EYS: variants seen among roughly 807,000 people sequenced by gnomAD.
EYS encodes EGF-like photoreceptor maintenance factor.
In EYS, 250 loss-of-function variants were observed where a neutral mutation model predicts 282.1. The observed-to-expected ratio is 0.89, with a 90% confidence interval of 0.80 to 0.98. EYS has a LOEUF of 0.98. Ranked by LOEUF, EYS falls within the 50% of genes least tolerant of loss-of-function variation. The pLI, the probability that EYS is intolerant of heterozygous loss-of-function variation, is 0.00. For synonymous variants in EYS, 1,355 were observed against 1,282.9 expected (o/e 1.06, Z -1.20); for missense variants, 4,016 against 3,709.0 (o/e 1.08, Z -2.15).
intron 28 of EYS, among the ~76,000 whole-genome samples, chr6:64,413,525 A>AAACAACAACAACAAC (rs140486442): frequency 3.6e-4 from 52 of 146,288 alleles, no homozygotes; most frequent in Admixed American, 1.7e-3. Flanking sequence ...ATTCTTGTCC[A>AAACAACAACAACAAC]AACAACAACA....
chr6:65,234,414 T>C (rs1396400152), intron 12 of EYS, among the ~76,000 whole-genome samples: 1 of 152,330 alleles, frequency 6.6e-6, no homozygotes, highest in East Asian at 1.9e-4. Flanking sequence ...CTTTGCTTGC[T>C]ATCCCTGAGG....
At chr6:64,721,674 A>G (rs1771586935) in intron 22 of EYS, among the ~76,000 whole-genome samples, 1 of 152,174 alleles carries the variant, frequency 6.6e-6, no homozygotes, top group African/African-American at 2.4e-5. Flanking sequence ...CCTGTTTATG[A>G]AACAAGAATA....
intron 24 of EYS, among the ~76,000 whole-genome samples, chr6:64,593,964 ATCATTT>A (rs1203898885): frequency 6.6e-6 from 1 of 152,198 alleles, no homozygotes; most frequent in Non-Finnish European, 1.5e-5. Flanking sequence ...TACTATATGA[ATCATTT>A]TTATTTGTAA....
At chr6:65,205,621 A>G (rs188731069) in intron 12 of EYS, among the ~76,000 whole-genome samples, 13 of 151,960 alleles carry the variant, frequency 8.6e-5, no homozygotes, top group Non-Finnish European at 1.5e-5. Flanking sequence ...CTACACATGG[A>G]ACATTTGACC....
intron 12 of EYS, among the ~76,000 whole-genome samples, chr6:65,279,831 G>A (rs978775940): frequency 6.6e-6 from 1 of 152,038 alleles, no homozygotes; most frequent in Non-Finnish European, 1.5e-5. Flanking sequence ...TTTGTAAAAA[G>A]ACAACGTGTT....
At chr6:65,300,444 T>G (rs1229746401) in intron 11 of EYS, among the ~76,000 whole-genome samples, 1 of 152,200 alleles carries the variant, frequency 6.6e-6, no homozygotes, top group African/African-American at 2.4e-5. Flanking sequence ...TTTTTCTTAT[T>G]ACTTTGAGGG....
chr6:65,443,664 C>T (rs148922234), intron 5 of EYS, among the ~76,000 whole-genome samples: 48 of 151,260 alleles, frequency 3.2e-4, no homozygotes, highest in East Asian at 5.9e-4. Flanking sequence ...TACACATATA[C>T]GTATACATCA....
At chr6:65,101,160 T>C (rs892486863) in intron 12 of EYS, among the ~76,000 whole-genome samples, 1 of 151,064 alleles carries the variant, frequency 6.6e-6, no homozygotes, top group Non-Finnish European at 1.5e-5. Context: ...TTTATTTACC[T>C]GAGAACTTAA....
chr6:65,061,892 T>C (rs1773584905), intron 12 of EYS, among the ~76,000 whole-genome samples: 1 of 151,978 alleles, frequency 6.6e-6, no homozygotes, highest in African/African-American at 2.4e-5. Context: ...AAACATTCTA[T>C]GCTTTCTTTA....
intron 12 of EYS, among the ~76,000 whole-genome samples, chr6:65,277,000 CTACATGTT>C (rs1166354264): frequency 6.6e-6 from 1 of 152,102 alleles, no homozygotes; most frequent in African/African-American, 2.4e-5. Flanking sequence ...TGACAACAAA[CTACATGTT>C]TATGTTCCCC....
At chr6:65,183,333 C>G (rs1412397815) in intron 12 of EYS, among the ~76,000 whole-genome samples, 2 of 151,696 alleles carry the variant, frequency 1.3e-5, no homozygotes, top group African/African-American at 4.8e-5. Flanking sequence ...TTGCTGAGTA[C>G]CTTTTAAAAA....
intron 5 of EYS, among the ~76,000 whole-genome samples, chr6:65,464,049 A>C: frequency 6.6e-6 from 1 of 151,694 alleles, no homozygotes; most frequent in Admixed American, 6.6e-5. Flanking sequence ...TCTTTTTTCA[A>C]ATTTCAGTTA....
In EYS at chr6:65,092,655, T is replaced by A. The variant is rs1774609348; in HGVS notation, c.2024-34928A>T. On this transcript the variant is annotated intron_variant, in intron 12 of 42. Transcript: ENST00000503581. ...TAGTTTTTTAGTTGCCGTGATAGCA[T>A]ATAGTCATCTTTATCCTGCACATTT... Among the ~76,000 whole-genome samples the A allele has an allele frequency of 2.0e-5, 3 of 152,302 alleles. No individual in the cohort carries two copies. The South Asian group carries it at 6.2e-4, about 32-fold the overall frequency.
chr6:64,441,689 T>A (rs748286492), intron 26 of EYS, among the ~76,000 whole-genome samples: 1 of 152,166 alleles, frequency 6.6e-6, no homozygotes, highest in Non-Finnish European at 1.5e-5. Flanking sequence ...CCTGTGCTGT[T>A]CTTGCAATAG....
At chr6:65,272,451 A>G (rs1466714088) in intron 12 of EYS, among the ~76,000 whole-genome samples, 1 of 152,142 alleles carries the variant, frequency 6.6e-6, no homozygotes, top group African/African-American at 2.4e-5. Flanking sequence ...CTTAGGGCCA[A>G]GATTCCAGGT....
rs1290163771 is a variant in EYS at position 64,358,052 on chromosome 6, A to AT, written c.6078+30637dup. Among the ~76,000 whole-genome samples, 4 of 151,706 alleles carry AT rather than the reference A, an allele frequency of 2.6e-5. No homozygotes were observed. The East Asian group carries it at 5.9e-4, about 22-fold the overall frequency. On this transcript the variant is annotated intron_variant, in intron 29 of 42. Coordinates refer to ENST00000503581, the MANE Select transcript of EYS (RefSeq NM_001142800.2). ...CCATGTCTTTTGGTGACTAAAATGG[A>AT]TATGTCTCCTGTTATTGGATAATGA... is the stretch of plus-strand genomic sequence containing the variant.
chr6:65,194,996 T>C (rs993394756), intron 12 of EYS, among the ~76,000 whole-genome samples: 1 of 151,984 alleles, frequency 6.6e-6, no homozygotes, highest in Non-Finnish European at 1.5e-5. Context: ...AGGCTGTATG[T>C]TAGTTGATAT....
In EYS at chr6:65,005,360, G is replaced by A. The variant is rs563347326; in HGVS notation, c.2138-7657C>T. 5.4e-4 allele frequency among the ~76,000 whole-genome samples: 80 copies of A among 147,494 alleles called. 3 individuals are homozygous for A. The highest frequency in any genetic ancestry group is 1.8e-3 in the Admixed American group (26 of 14,818). ...TTCTAATAGAGCTATAACACTTACC[G>A]CATGGCCCAAGATTCCATTCCTCGG... is the stretch of plus-strand genomic sequence containing the variant. On this transcript the variant is annotated intron_variant, in intron 13 of 42. Transcript: ENST00000503581.
chr6:65,295,137 T>A (rs1217846873), intron 12 of EYS, among the ~76,000 whole-genome samples: 1 of 151,914 alleles, frequency 6.6e-6, no homozygotes, highest in Non-Finnish European at 1.5e-5. Context: ...AAAATCCAAC[T>A]GGACAAAACT....
Sources: allele counts gnomAD v4.1 joint callset (sites outside exome capture counted in the v4.1 genomes callset), GRCh38; gene constraint gnomAD v4.1.1; transcripts MANE v1.5; gene names NCBI Gene and HGNC (gene_info 2026-07-23, HGNC 2026-07-21).